MPDZ: variants seen among roughly 807,000 people sequenced by gnomAD.
The protein encoded by MPDZ is multiple PDZ domain protein.
A neutral mutation model predicts 239.1 loss-of-function variants in MPDZ; 234 were observed. That is an observed-to-expected ratio of 0.98 (90% CI 0.88 to 1.09). The LOEUF is 1.09. Ranked by LOEUF, MPDZ falls within the 50% of genes least tolerant of loss-of-function variation. The pLI is 0.00. For missense variants in MPDZ, 3,175 were observed against 2,510.0 expected (o/e 1.26, Z -5.66); for synonymous variants, 1,048 against 881.3 (o/e 1.19, Z -3.35).
At chr9:13,135,923 T>A (rs1416991142) in intron 31 of MPDZ, 169 bp downstream of exon 31, 1 of 523,474 alleles carries the variant, frequency 1.9e-6, no homozygotes, top group Non-Finnish European at 3.4e-6. Flanking sequence ...AGTGGTATGC[T>A]TATTTCCATG....
chr9:13,152,065 A>G (rs574178645), intron 24 of MPDZ, among the ~76,000 whole-genome samples: 1 of 152,230 alleles, frequency 6.6e-6, no homozygotes, highest in African/African-American at 2.4e-5. Context: ...TATATTAAGT[A>G]ATCAAAAAAA....
chr9:13,216,742 T>C (rs1587869691), intron 10 of MPDZ, 32 bp downstream of exon 10: 1 of 1,477,952 alleles, frequency 6.8e-7, no homozygotes, highest in Non-Finnish European at 9.4e-7. Flanking sequence ...ACCATGAAAA[T>C]TAACAAAGCT....
intron 19 of MPDZ, among the ~76,000 whole-genome samples, chr9:13,178,257 T>A (rs1265425496): frequency 2.8e-4 from 18 of 64,458 alleles, no homozygotes; most frequent in Non-Finnish European, 6.0e-4. Context: ...AGACTGCATC[T>A]CAAAAAAAAA....
intron 1 of MPDZ, among the ~76,000 whole-genome samples, chr9:13,267,096 T>C (rs1350309800): frequency 6.6e-6 from 1 of 152,202 alleles, no homozygotes; most frequent in East Asian, 1.9e-4. Flanking sequence ...CAACAATCTA[T>C]TATTTGGGGT....
chr9:13,204,093 CAAT>C (rs1202045475), intron 12 of MPDZ, among the ~76,000 whole-genome samples: 1 of 151,896 alleles, frequency 6.6e-6, no homozygotes, highest in Non-Finnish European at 1.5e-5. Flanking sequence ...GCAGAAAATC[CAAT>C]AATGAAGGAA....
chr9:13,262,211 C>T (rs577157636), intron 1 of MPDZ, among the ~76,000 whole-genome samples: 6 of 151,976 alleles, frequency 3.9e-5, no homozygotes, highest in African/African-American at 1.4e-4. Context: ...GCCTGTAATC[C>T]CAGCACTTTG....
At chr9:13,191,895 T>TAA (rs1954979420) in intron 15 of MPDZ, among the ~76,000 whole-genome samples, 1 of 152,096 alleles carries the variant, frequency 6.6e-6, no homozygotes, top group Non-Finnish European at 1.5e-5. Context: ...CATCATGACT[T>TAA]ACATTTTACC....
chr9:13,109,824 C>G (rs1942121800), intron 45 of MPDZ, 128 bp downstream of exon 45: 1 of 726,998 alleles, frequency 1.4e-6, no homozygotes, highest in African/African-American at 1.8e-5. Flanking sequence ...ATGTATAATT[C>G]ACACTTCATA....
At chr9:13,112,883 T>C (rs569045295) in intron 42 of MPDZ, 128 bp downstream of exon 42, 55 of 883,814 alleles carry the variant, frequency 6.2e-5, no homozygotes, top group Non-Finnish European at 8.3e-5. Context: ...TTATTTCACA[T>C]GTAATATGTA....
chr9:13,261,565 A>G (rs948431784), intron 1 of MPDZ, among the ~76,000 whole-genome samples: 27 of 152,218 alleles, frequency 1.8e-4, no homozygotes, highest in African/African-American at 6.3e-4. Context: ...CAATTTTAGT[A>G]GGACCACTAA....
chr9:13,159,201 A>C (rs959796791), intron 23 of MPDZ, among the ~76,000 whole-genome samples: 2 of 152,162 alleles, frequency 1.3e-5, no homozygotes, highest in Non-Finnish European at 2.9e-5. Context: ...CTGGCAAGCA[A>C]ATGTCCAGGC....
intron 1 of MPDZ, among the ~76,000 whole-genome samples, chr9:13,261,494 C>A (rs990422595): frequency 4.0e-5 from 6 of 151,896 alleles, no homozygotes; most frequent in Non-Finnish European, 7.4e-5. Flanking sequence ...TTACGAAATA[C>A]CCTTGTTCCT....
chr9:13,265,942 T>C (rs1039632909), intron 1 of MPDZ, among the ~76,000 whole-genome samples: 2 of 152,224 alleles, frequency 1.3e-5, no homozygotes, highest in African/African-American at 4.8e-5. Flanking sequence ...ACTTCAGGTT[T>C]ATATATTCTC....
intron 3 of MPDZ, among the ~76,000 whole-genome samples, chr9:13,233,092 A>C (rs1462497077): frequency 6.6e-6 from 1 of 152,170 alleles, no homozygotes; most frequent in Non-Finnish European, 1.5e-5. Context: ...TTCATACACT[A>C]AATATCGTGA....
At position 13,240,098 on chromosome 9, in the gene MPDZ, T is replaced by C. The variant is rs192066500; in HGVS notation, c.183+7537A>G. On this transcript the variant is annotated intron_variant, in intron 3 of 46. Coordinates refer to ENST00000319217, the MANE Select transcript of MPDZ (RefSeq NM_001378778.1). ...GAAGGCAAATAAGTAATTTAGAAAC[T>C]GAAAATTTAAACAAACAACATGTTA... Among the ~76,000 whole-genome samples, 11 of 152,206 alleles carry C rather than the reference T, an allele frequency of 7.2e-5. No homozygotes were observed. In the East Asian group the frequency reaches 1.9e-3, roughly 27 times the overall value.
intron 25 of MPDZ, 115 bp downstream of exon 25, chr9:13,150,396 G>A: frequency 1.4e-6 from 1 of 728,056 alleles, no homozygotes; most frequent in Non-Finnish European, 1.9e-6. Flanking sequence ...TGGAGCAGGT[G>A]AAAAATTTTA....
In MPDZ at chr9:13,237,156, A is replaced by T. The variant is rs1022044498; in HGVS notation, c.183+10479T>A. ...TTCATATTCCATGCTTCAAAATGGT[A>T]AGCAGGCCAGGAGCGGTGGTTCACG... On this transcript the variant is annotated intron_variant, in intron 3 of 46. Transcript: ENST00000319217. 5.3e-5 allele frequency among the ~76,000 whole-genome samples: 8 copies of T among 151,912 alleles called. No homozygotes were observed. In the South Asian group the frequency reaches 8.3e-4, roughly 16 times the overall value.
At chr9:13,219,843 TTAA>T in intron 7 of MPDZ, 75 bp from the exon 8 acceptor site, 1 of 1,422,240 alleles carries the variant, frequency 7.0e-7, no homozygotes, top group Non-Finnish European at 9.7e-7. Flanking sequence ...TGAGAAGGGA[TTAA>T]TTTTAGAAAA....
At chr9:13,226,402 T>G (rs866424254) in intron 3 of MPDZ, among the ~76,000 whole-genome samples, 1 of 152,120 alleles carries the variant, frequency 6.6e-6, no homozygotes, top group Non-Finnish European at 1.5e-5. Context: ...GAAAGCTTAC[T>G]TCATTGATGT....
Sources: gnomAD v4.1 joint callset for allele counts (sites outside exome capture counted in the v4.1 genomes callset) on GRCh38, gnomAD v4.1.1 for gene constraint, MANE v1.5 for transcripts, NCBI Gene and HGNC (gene_info 2026-07-23, HGNC 2026-07-21) for gene names.